TRIM49B: variants seen among roughly 807,000 people sequenced by gnomAD.
The protein encoded by TRIM49B is tripartite motif containing 49B.
TRIM49B carries 18 observed loss-of-function variants against 31.8 expected under a neutral mutation model. The ratio of observed to expected loss-of-function variants is 0.57; its 90% CI spans 0.39 to 0.84. The LOEUF is 0.84. Among genes scored for constraint, TRIM49B ranks in the 40% least tolerant of loss-of-function variants. TRIM49B has a pLI of 0.00. For missense variants in TRIM49B, 494 were observed against 538.7 expected (o/e 0.92, Z 0.82); for synonymous variants, 196 against 180.6 (o/e 1.09, Z -0.68).
intron 4 of TRIM49B, 27 bp from the exon 5 acceptor site, chr11:49,035,068 A>C: frequency 6.3e-7 from 1 of 1,587,370 alleles, no homozygotes; most frequent in Non-Finnish European, 8.5e-7. Context: ...AAATGCACTA[A>C]ATCTCTCTTT....
intron 2 of TRIM49B, 126 bp from the exon 3 acceptor site, chr11:49,032,150 G>A: frequency 6.3e-7 from 1 of 1,593,168 alleles, no homozygotes; most frequent in Non-Finnish European, 8.5e-7. Context: ...CCAACCTCTG[G>A]GCTTTGACAA....
intron 1 of TRIM49B, among the ~76,000 whole-genome samples, chr11:49,030,593 C>A (rs1180022739): frequency 2.0e-5 from 3 of 152,008 alleles, no homozygotes; most frequent in African/African-American, 7.3e-5. Flanking sequence ...TGCCTTTTTT[C>A]TGCCTTTTTC....
intron 6 of TRIM49B, among the ~76,000 whole-genome samples, chr11:49,036,653 G>A (rs1051778313): frequency 1.3e-4 from 20 of 152,146 alleles, no homozygotes; most frequent in Non-Finnish European, 2.6e-4. Context: ...AAGGAGTAGT[G>A]TAGAAAATTT....
At chr11:49,035,960 C>T (rs955464120) in intron 5 of TRIM49B, among the ~76,000 whole-genome samples, 2 of 145,910 alleles carry the variant, frequency 1.4e-5, no homozygotes, top group African/African-American at 2.6e-5. Context: ...GCATCAGTCT[C>T]CCCAGAACCC....
In TRIM49B at chr11:49,032,488, A is replaced by G. The variant is rs1324130071; in HGVS notation, c.507+117A>G. 45 of 1,522,706 alleles carry G rather than the reference A, an allele frequency of 3.0e-5. No individual in the cohort carries two copies. The African/African-American group carries it at 4.6e-4, about 15-fold the overall frequency. 94.3% of individuals were successfully genotyped at this position (1,522,706 alleles called of 1,614,324 possible). ...TTCTGGGATTCAGTAAAAAAAAAAG[A>G]AAAAAAAAGCGAGAGAAAACATTGA... On this transcript the variant is annotated intron_variant, in intron 3 of 6. Transcript: ENST00000332682.
chr11:49,037,782 A>G lies in TRIM49B; in HGVS notation c.1164A>G (p.Gln388=). The change falls in exon 7 of 7, where the codon CAA becomes CAG. Residue 388 remains glutamine (Q), a synonymous_variant. Coordinates refer to ENST00000332682, the MANE Select transcript of TRIM49B (RefSeq NM_001206626.2). The stretch of plus-strand genomic sequence containing the variant: ...TTGGGTGTGTTAAGAATGACATTCA[A>G]CGCAGTCTCTTTACCACCTCCCCAC... ...FLLGCVKNDI[Q]RSLFTTSPLL... 1 of 1,613,992 alleles carries G rather than the reference A, an allele frequency of 6.2e-7. No individual in the cohort carries two copies.
At position 49,037,552 on chromosome 11, in the gene TRIM49B, G is replaced by T. The variant is rs1471828929; in HGVS notation, c.934G>T (p.Gly312Ter). The change falls in exon 7 of 7, where the codon GGA becomes TGA. Residue 312 changes from glycine to a stop codon, truncating the protein, a stop_gained. Coordinates refer to ENST00000332682, the MANE Select transcript of TRIM49B (RefSeq NM_001206626.2). LOFTEE classifies it low-confidence loss of function (END_TRUNC). ...TGAAATTTTGAGAAGCATGTGTATT[G>T]GATGTGACCATCAAGATGTACCCTA... Reference protein sequence around the residue: ...LCEILRSMCIGCDHQDVPYFT... With the variant: ...LCEILRSMCI 9.3e-6 allele frequency: 15 copies of T among 1,614,040 alleles called. No homozygotes were observed. The highest frequency in any genetic ancestry group is 2.2e-5 in the East Asian group (1 of 44,882).
intron 1 of TRIM49B, among the ~76,000 whole-genome samples, chr11:49,030,836 C>T (rs999137018): frequency 6.6e-6 from 1 of 152,138 alleles, no homozygotes; most frequent in African/African-American, 2.4e-5. Context: ...TTAACAAAAA[C>T]CTCCTATATG....
intron 6 of TRIM49B, among the ~76,000 whole-genome samples, 159 bp from the exon 7 acceptor site, chr11:49,037,319 C>G (rs2696915): frequency 1.3e-5 from 2 of 152,044 alleles, no homozygotes; most frequent in Non-Finnish European, 2.9e-5. Flanking sequence ...GGTTAGGGTT[C>G]TGTTTGTCTT....
chr11:49,033,433 G>T (rs1170378452), intron 3 of TRIM49B, among the ~76,000 whole-genome samples: 1 of 151,410 alleles, frequency 6.6e-6, no homozygotes, highest in Non-Finnish European at 1.5e-5. Context: ...GACCATGAGT[G>T]TGTATATGTA....
chr11:49,037,770 G>A lies in TRIM49B; in HGVS notation c.1152G>A (p.Lys384=). Residue 384 remains lysine, a synonymous_variant, in exon 7 of 7, where the codon AAG becomes AAA. Transcript: ENST00000332682. ...EDGLFLLGCV[K]NDIQRSLFTT... ...GACTCTTTCTTCTTGGGTGTGTTAA[G>A]AATGACATTCAACGCAGTCTCTTTA... The A allele has an allele frequency of 1.9e-6, 3 of 1,613,950 alleles. No homozygotes were observed. The highest frequency in any genetic ancestry group is 1.1e-5 in the South Asian group (1 of 91,078).
intron 4 of TRIM49B, 115 bp downstream of exon 4, chr11:49,034,491 A>G (rs1377031363): frequency 6.2e-7 from 1 of 1,604,268 alleles, no homozygotes; most frequent in South Asian, 1.1e-5. Context: ...CCAAAAACAC[A>G]TTCACATAAC....
chr11:49,035,016 G>C (rs1236395721), intron 4 of TRIM49B, 79 bp from the exon 5 acceptor site: 25 of 1,572,466 alleles, frequency 1.6e-5, no homozygotes, highest in Admixed American at 3.5e-5. Context: ...CAGAAACTGA[G>C]TACAAATCTC....
intron 2 of TRIM49B, 30 bp downstream of exon 2, chr11:49,032,040 G>A (rs1444850458): frequency 1.2e-6 from 2 of 1,611,820 alleles, no homozygotes; most frequent in Non-Finnish European, 8.5e-7. Context: ...ATCGATTTCT[G>A]TAAAGGATAC....
intron 5 of TRIM49B, 27 bp downstream of exon 5, chr11:49,035,144 A>G (rs2134699934): frequency 1.2e-6 from 2 of 1,602,484 alleles, no homozygotes; most frequent in South Asian, 2.2e-5. Context: ...ATTTTAGCAT[A>G]TGTTCTTTAA....
chr11:49,034,051 A>G, intron 3 of TRIM49B, 95 bp from the exon 4 acceptor site: 2 of 1,601,458 alleles, frequency 1.2e-6, no homozygotes, highest in Non-Finnish European at 1.7e-6. Flanking sequence ...CAGAGGTTTG[A>G]ACTATTGGAC....
At chr11:49,032,568 A>G (rs946649852) in intron 3 of TRIM49B, among the ~76,000 whole-genome samples, 197 bp downstream of exon 3, 3 of 151,854 alleles carry the variant, frequency 2.0e-5, no homozygotes, top group African/African-American at 7.2e-5. Context: ...TAGGATTTCT[A>G]AGAAAACTAC....
intron 5 of TRIM49B, 77 bp downstream of exon 5, chr11:49,035,194 G>A: frequency 1.3e-6 from 2 of 1,588,778 alleles, no homozygotes; most frequent in Non-Finnish European, 1.7e-6. Context: ...TAAAGTCATG[G>A]CATAAAGTCA....
intron 2 of TRIM49B, 28 bp from the exon 3 acceptor site, chr11:49,032,248 G>C: frequency 3.7e-6 from 6 of 1,612,506 alleles, no homozygotes; most frequent in South Asian, 2.2e-5. Context: ...GGTCTGCACT[G>C]GTGCTTCAAT....
Sources: gnomAD v4.1 joint callset for allele counts (sites outside exome capture counted in the v4.1 genomes callset) on GRCh38, gnomAD v4.1.1 for gene constraint, MANE v1.5 for transcripts, NCBI Gene and HGNC (gene_info 2026-07-23, HGNC 2026-07-21) for gene names.